Variants in MOK observed in about 807,000 individuals in gnomAD.
MOK encodes the protein MOK protein kinase, also known as MAPK/MAK/MRK overlapping kinase.
In MOK, 59 loss-of-function variants were observed where a neutral mutation model predicts 54.2. The observed-to-expected ratio is 1.09, with a 90% CI of 0.88 to 1.35. The LOEUF is 1.35. MOK is among the 40% of genes most tolerant of loss of function. The pLI is 0.00. For synonymous variants in MOK, 210 were observed against 202.7 expected, an observed-to-expected ratio of 1.04 and a Z score of -0.31; for missense variants, 517 against 526.2, an observed-to-expected ratio of 0.98 and a Z score of 0.17.
At chr14:102,281,498 CAAA>C (rs1184533713) in intron 2 of MOK, among the ~76,000 whole-genome samples, 7 of 48,260 alleles carry the variant, frequency 1.5e-4, no homozygotes, top group African/African-American at 2.0e-4. Flanking sequence ...GACCCTGACT[CAAA>C]AAAAAAAAAA....
rs1176060864 is a variant in MOK, at chr14:102,249,357, G to A, written c.590+1455C>T. ...CAGGTCAGGTTTTGTCAACAAATGAGTCCCAAGAAACCTTTTGGTTTCCAG... is the reference window on the plus strand; with the variant it reads ...CAGGTCAGGTTTTGTCAACAAATGAATCCCAAGAAACCTTTTGGTTTCCAG... On this transcript the variant is annotated intron_variant, in intron 7 of 11. Transcript: ENST00000361847. The surrounding 1 kb of genome is among the most constrained non-coding windows in gnomAD (Gnocchi z 5.3). 2.6e-5 allele frequency among the ~76,000 whole-genome samples: 4 copies of A among 152,204 alleles called. No homozygotes were observed. Among genetic ancestry groups the A allele is most frequent in the African/African-American group, 9.7e-5 (4 of 41,446 alleles).
rs1453654219 is a variant in MOK at position 102,240,237 on chromosome 14, C to T, written c.591-6448G>A. ...CCTTTGCTGACTCTGTTTTCGGACT[C>T]AGCCCGCCTGCACCCAGGTGAAATA... On this transcript the variant is annotated intron_variant, in intron 7 of 11. Coordinates refer to ENST00000361847, the MANE Select transcript of MOK (RefSeq NM_014226.3). This position sits in a 1 kb window ranked among gnomAD's most constrained non-coding sequence, Gnocchi z 5.4. Among the ~76,000 whole-genome samples, 3 of 152,202 alleles carry T rather than the reference C, an allele frequency of 2.0e-5. No homozygotes were observed. The highest frequency in any genetic ancestry group is 7.2e-5 in the African/African-American group (3 of 41,464).
intron 2 of MOK, among the ~76,000 whole-genome samples, chr14:102,268,615 T>TA (rs972435523): frequency 1.6e-4 from 25 of 151,880 alleles, no homozygotes; most frequent in African/African-American, 2.9e-4. Flanking sequence ...CTCAGACTTT[T>TA]AAAAAAAATG....
intron 4 of MOK, 45 bp from the exon 5 acceptor site, chr14:102,252,040 T>C (rs777883483): frequency 1.9e-6 from 2 of 1,040,530 alleles, no homozygotes; most frequent in Non-Finnish European, 2.9e-6. Flanking sequence ...TGATGGTACA[T>C]ATCCTCTTTT....
chr14:102,217,406 G>A, the MOK span, among the ~76,000 whole-genome samples: 4 of 152,358 alleles, frequency 2.6e-5, no homozygotes, highest in South Asian at 8.3e-4. Flanking sequence ...AGTCTGAAGA[G>A]TACAATCCTT....
At position 102,251,950 on chromosome 14, in the gene MOK, T is replaced by A; in HGVS notation, c.329A>T (p.Tyr110Phe). The change falls in exon 5 of 12, where the codon TAC becomes TTC. Residue 110 changes from tyrosine (Y) to phenylalanine (F), a missense_variant. By Grantham distance (22) the Tyr-to-Phe change is conservative. Transcript: ENST00000361847. ...LSEKKIMHYM[Y>F]QLCKSLDHIH... ...ATGATCCAGGGACTTACATAACTGGTACATATAGTGCATAATTTTTTTTTC... is the reference window on the plus strand; with the variant it reads ...ATGATCCAGGGACTTACATAACTGGAACATATAGTGCATAATTTTTTTTTC... 6.2e-7 allele frequency: 1 copy of A among 1,607,798 alleles called. No homozygotes were observed. The highest frequency in any genetic ancestry group is 8.5e-7 in the Non-Finnish European group (1 of 1,174,864).
At chr14:102,255,002 C>CT (rs2066821832) in intron 4 of MOK, among the ~76,000 whole-genome samples, 1 of 152,178 alleles carries the variant, frequency 6.6e-6, no homozygotes, top group Non-Finnish European at 1.5e-5. Context: ...TAGGAAAAGT[C>CT]TAATCTATCC....
chr14:102,228,060 C>T (rs2064325416), downstream of MOK, among the ~76,000 whole-genome samples: 1 of 152,226 alleles, frequency 6.6e-6, no homozygotes, highest in Admixed American at 6.5e-5. Flanking sequence ...CCCAGCAGCC[C>T]GGCCAGTGCC....
intron 1 of MOK, among the ~76,000 whole-genome samples, chr14:102,296,593 T>C (rs1302401324): frequency 1.3e-5 from 2 of 152,180 alleles, no homozygotes; most frequent in Admixed American, 1.3e-4. Flanking sequence ...CATTTTGTTT[T>C]TATTTCAAGA....
rs569045940 is a variant in MOK, at chr14:102,229,382, TAC to T, written c.1183-18_1183-17del. On this transcript the variant is annotated splice_polypyrimidine_tract_variant and intron_variant, in intron 11 of 11. Coordinates refer to ENST00000361847, the MANE Select transcript of MOK (RefSeq NM_014226.3). The stretch of plus-strand genomic sequence containing the variant: ...GCGGATCTGTCTGTCAAAGAAAAAT[TAC>T]AGACACAAAATTCAGTGGCGGCCTG... 5,280 of 1,614,132 alleles carry T rather than the reference TAC, an allele frequency of 3.3e-3. 8 individuals carry two copies. The highest frequency in any genetic ancestry group is 4.2e-3 in the Non-Finnish European group (4,973 of 1,179,978).
chr14:102,287,979 C>T (rs1044155522), intron 1 of MOK, among the ~76,000 whole-genome samples: 3 of 151,742 alleles, frequency 2.0e-5, no homozygotes, highest in Non-Finnish European at 4.4e-5. Flanking sequence ...GGATTACAGG[C>T]GCCCGCCACC....
downstream of MOK, chr14:102,223,696 A>G (rs1318737673): frequency 6.6e-6 from 1 of 152,358 alleles, no homozygotes; most frequent in Non-Finnish European, 1.5e-5. Flanking sequence ...CTTCTGTTAA[A>G]TTGGCTTAGT....
At chr14:102,289,558 C>T (rs1246315361) in intron 1 of MOK, among the ~76,000 whole-genome samples, 1 of 152,050 alleles carries the variant, frequency 6.6e-6, no homozygotes, top group Non-Finnish European at 1.5e-5. Flanking sequence ...CAAGTGATCT[C>T]GGCTCACTAC....
Position 102,232,857 on chromosome 14 carries a change from A to G in MOK, c.693-149T>C. ...CCCAGCCCACAGAACGTGCACCACC[A>G]AGAGGGACCCCTGATGTAAATGATG... On this transcript the variant is annotated intron_variant, in intron 8 of 11. Coordinates refer to ENST00000361847, the MANE Select transcript of MOK (RefSeq NM_014226.3). This position sits in a 1 kb window ranked among gnomAD's most constrained non-coding sequence, Gnocchi z 5.1. 3.3e-6 allele frequency: 2 copies of G among 611,264 alleles called. No individual in the cohort carries two copies. Among genetic ancestry groups the G allele is most frequent in the South Asian group, 2.3e-5 (1 of 42,648 alleles). 37.9% of individuals were successfully genotyped at this position (611,264 alleles called of 1,614,324 possible). A position where few individuals can be genotyped will look rare whatever the true frequency, so the allele number is the denominator to read the frequency against.
Position 102,233,680 on chromosome 14 carries a change from A to T in MOK, c.692+8T>A, listed in dbSNP as rs1221844704. The T allele has an allele frequency of 6.2e-7, 1 of 1,608,734 alleles. No individual in the cohort carries two copies. Among genetic ancestry groups the T allele is most frequent in the East Asian group, 2.2e-5 (1 of 44,860 alleles). The stretch of plus-strand genomic sequence containing the variant: ...GGTCCACATCCACTCTCAGAACACA[A>T]TACTTACTGTTTGAACTTGGTGAGG... On this transcript the variant is annotated splice_region_variant and intron_variant, in intron 8 of 11. Transcript: ENST00000361847.
intron 1 of MOK, among the ~76,000 whole-genome samples, chr14:102,293,124 T>C (rs1468381175): frequency 2.6e-5 from 4 of 151,912 alleles, no homozygotes; most frequent in Admixed American, 2.6e-4. Flanking sequence ...CAGAGCTAGA[T>C]TCCATCTCAA....
chr14:102,258,479 T>TTTC (rs34776732), intron 4 of MOK, among the ~76,000 whole-genome samples: 45,925 of 151,876 alleles, frequency 0.3, 8,867 homozygotes, highest in African/African-American at 0.56. Flanking sequence ...TTCTTGATAA[T>TTTC]TTCATTTGTT....
intron 2 of MOK, among the ~76,000 whole-genome samples, chr14:102,279,247 A>G (rs2069171761): frequency 6.6e-6 from 1 of 152,030 alleles, no homozygotes; most frequent in South Asian, 2.1e-4. Flanking sequence ...TTCTATTTCT[A>G]TAGGAAAAAT....
intron 2 of MOK, among the ~76,000 whole-genome samples, chr14:102,270,325 G>T (rs1370137584): frequency 2.0e-5 from 3 of 152,218 alleles, no homozygotes; most frequent in Non-Finnish European, 4.4e-5. Flanking sequence ...CCCTTGGCCG[G>T]GTACAGGGGC....
Sources: gnomAD v4.1 joint callset for allele counts (sites outside exome capture counted in the v4.1 genomes callset) on GRCh38, gnomAD v4.1.1 for gene constraint, Gnocchi (gnomAD v3.1) non-coding constraint, MANE v1.5 for transcripts, NCBI Gene and HGNC (gene_info 2026-07-23, HGNC 2026-07-21) for gene names.